Variants in UBR1 observed in about 807,000 individuals in gnomAD.
UBR1 encodes the protein E3 ubiquitin-protein ligase UBR1.
Under a neutral mutation model 242.1 loss-of-function variants are expected in UBR1, and 102 were observed. The observed-to-expected ratio is 0.42, with a 90% CI of 0.36 to 0.50. The LOEUF is 0.50. UBR1 is among the 20% of genes least tolerant of loss of function. UBR1 has a pLI of 0.01. For missense variants in UBR1, 1,772 were observed against 2,101.8 expected (o/e 0.84, Z 3.07); for synonymous variants, 675 against 684.8 (o/e 0.99, Z 0.22).
At chr15:43,104,075 A>G (rs1380223368) in intron 1 of UBR1, among the ~76,000 whole-genome samples, 1 of 152,150 alleles carries the variant, frequency 6.6e-6, no homozygotes, top group Non-Finnish European at 1.5e-5. Context: ...TTGGGCCCTT[A>G]TATTACCTGT....
intron 14 of UBR1, among the ~76,000 whole-genome samples, chr15:43,045,970 A>G (rs1429021392): frequency 1.3e-5 from 2 of 152,254 alleles, no homozygotes; most frequent in Admixed American, 1.3e-4. Flanking sequence ...GATGGAAACT[A>G]AGGAAAGACC....
chr15:42,996,301 T>C (rs1197787801), intron 33 of UBR1, among the ~76,000 whole-genome samples: 1 of 152,142 alleles, frequency 6.6e-6, no homozygotes, highest in African/African-American at 2.4e-5. Context: ...CATAAAACTT[T>C]GTATGATAAC....
intron 29 of UBR1, among the ~76,000 whole-genome samples, chr15:43,013,637 G>A (rs2032959197): frequency 1.3e-5 from 2 of 152,066 alleles, no homozygotes; most frequent in Admixed American, 6.5e-5. Flanking sequence ...ACAAAATAAC[G>A]GGTTGGTTAT....
At chr15:43,028,954 G>A (rs571650225) in intron 21 of UBR1, among the ~76,000 whole-genome samples, 26 of 151,688 alleles carry the variant, frequency 1.7e-4, no homozygotes, top group Non-Finnish European at 3.1e-4. Flanking sequence ...GTGTGGTGGC[G>A]TGCACCTGTA....
intron 32 of UBR1, 141 bp from the exon 33 acceptor site, chr15:42,998,406 T>C (rs1392446587): frequency 1.0e-5 from 8 of 781,176 alleles, no homozygotes; most frequent in Admixed American, 4.4e-5. Flanking sequence ...CACAGAAACA[T>C]GTGTCTAAAA....
chr15:43,099,880 CT>C lies in UBR1; in HGVS notation c.81+6061del, dbSNP rs78614852. ...CTATAGGAACACACAAGAGGTGCCT[CT>C]TTTTTTTTTTTTTAGACGGAGTCTC... On this transcript the variant is annotated intron_variant, in intron 1 of 46. Transcript: ENST00000290650. Among the ~76,000 whole-genome samples, 1,006 of 142,670 alleles carry C rather than the reference CT, an allele frequency of 7.1e-3. 4 individuals carry two copies. The highest frequency in any genetic ancestry group is 0.015 in the African/African-American group (591 of 39,098). The allele number at this position is 142,670 out of a possible 152,430, so 93.6% of individuals were successfully genotyped here.
Position 43,105,929 on chromosome 15 carries a change from T to C in UBR1, c.81+13A>G. On this transcript the variant is annotated intron_variant, in intron 1 of 46. Coordinates refer to ENST00000290650, the MANE Select transcript of UBR1 (RefSeq NM_174916.3). ...GGGGGGAGGACAAAAGAGACTTGCC[T>C]ATAGGGACTTACAGATGCCAGACGC... The C allele has an allele frequency of 6.2e-7, 1 of 1,613,348 alleles. No individual in the cohort carries two copies. Among genetic ancestry groups the C allele is most frequent in the African/African-American group, 1.3e-5 (1 of 74,962 alleles).
At chr15:43,040,110 T>C (rs1261921854) in intron 15 of UBR1, among the ~76,000 whole-genome samples, 1 of 152,156 alleles carries the variant, frequency 6.6e-6, no homozygotes, top group Non-Finnish European at 1.5e-5. Context: ...TTCAAGTTCA[T>C]ATGGAACCAA....
In UBR1 at chr15:42,971,300, A is replaced by AT. The variant is rs906693447; in HGVS notation, c.4370-694dup. On this transcript the variant is annotated intron_variant, in intron 39 of 46. Coordinates refer to ENST00000290650, the MANE Select transcript of UBR1 (RefSeq NM_174916.3). ...CCTTCATGCTCAAGCAAAGGGTCCC[A>AT]TAAAGAGAACTTTGTGAGGTTATTT... is the stretch of plus-strand genomic sequence containing the variant. Among the ~76,000 whole-genome samples the AT allele has an allele frequency of 2.0e-5, 3 of 152,222 alleles. No homozygotes were observed. In the South Asian group the frequency reaches 6.2e-4, roughly 31 times the overall value.
Position 43,059,119 on chromosome 15 carries a change from G to A in UBR1, c.1059C>T (p.Ser353=). ...GCTTTGCATCCCAAAGCATTAACCT[G>A]CTTATGAGACAGGGATTCTCCGAGT... The part of the protein sequence containing the change: ...EPDSENPCLI[S]RLMLWDAKLY... The change falls in exon 9 of 47, where the codon AGC becomes AGT. Residue 353 remains serine (S), a synonymous_variant. Coordinates refer to ENST00000290650, the MANE Select transcript of UBR1 (RefSeq NM_174916.3). 2 of 1,614,072 alleles carry A rather than the reference G, an allele frequency of 1.2e-6. No individual in the cohort carries two copies. The highest frequency in any genetic ancestry group is 2.2e-5 in the South Asian group (2 of 91,088).
intron 27 of UBR1, 42 bp from the exon 28 acceptor site, chr15:43,017,223 G>T: frequency 7.2e-7 from 1 of 1,386,220 alleles, no homozygotes; most frequent in Non-Finnish European, 1.0e-6. Flanking sequence ...TAGTTAGACT[G>T]TTAGACCGAC....
intron 4 of UBR1, among the ~76,000 whole-genome samples, chr15:43,072,791 A>T (rs1437960861): frequency 6.6e-6 from 1 of 152,172 alleles, no homozygotes; most frequent in Non-Finnish European, 1.5e-5. Context: ...TGTGGTTTTT[A>T]TTATATTTAT....
At chr15:43,054,000 C>T (rs1180717448) in intron 12 of UBR1, among the ~76,000 whole-genome samples, 1 of 151,966 alleles carries the variant, frequency 6.6e-6, no homozygotes, top group African/African-American at 2.4e-5. Context: ...TGGTTGAACC[C>T]ACAGATGTGG....
At chr15:43,034,260 A>T (rs2033299307) in intron 19 of UBR1, among the ~76,000 whole-genome samples, 1 of 86,964 alleles carries the variant, frequency 1.1e-5, no homozygotes, top group South Asian at 5.0e-4. Context: ...AAATAAATAA[A>T]TAAATAAATA....
chr15:43,101,778 C>A (rs1032301480), intron 1 of UBR1, among the ~76,000 whole-genome samples: 1 of 151,838 alleles, frequency 6.6e-6, no homozygotes, highest in African/African-American at 2.4e-5. Flanking sequence ...ACCAACCTGG[C>A]CAACATGGTG....
chr15:43,053,137 A>AT (rs1491294815), intron 12 of UBR1, among the ~76,000 whole-genome samples: 2 of 152,140 alleles, frequency 1.3e-5, no homozygotes, highest in Non-Finnish European at 2.9e-5. Context: ...GTCACTGGAG[A>AT]TATCTATATT....
chr15:42,971,187 ATTG>A (rs2032201333), intron 39 of UBR1, among the ~76,000 whole-genome samples: 1 of 152,230 alleles, frequency 6.6e-6, no homozygotes. Flanking sequence ...ATGGAAATAA[ATTG>A]TTATCAACCT....
intron 1 of UBR1, among the ~76,000 whole-genome samples, chr15:43,094,942 T>C (rs574071997): frequency 1.3e-5 from 2 of 152,298 alleles, no homozygotes; most frequent in East Asian, 3.9e-4. Flanking sequence ...ATTTTGTCCC[T>C]CCTAAGGGAC....
At chr15:43,003,168 A>T (rs1294340313) in intron 31 of UBR1, 1 of 178,786 alleles carries the variant, frequency 5.6e-6, no homozygotes, top group Non-Finnish European at 1.2e-5. Flanking sequence ...TATTCATCCT[A>T]TTCTATTTCA....
Sources: gnomAD v4.1 joint callset for allele counts (sites outside exome capture counted in the v4.1 genomes callset) on GRCh38, gnomAD v4.1.1 for gene constraint, MANE v1.5 for transcripts, NCBI Gene and HGNC (gene_info 2026-07-23, HGNC 2026-07-21) for gene names.